Variants in KIAA1217 observed in about 807,000 individuals in gnomAD.
KIAA1217 encodes the protein KIAA1217.
KIAA1217 carries 88 observed loss-of-function variants against 163.9 expected under a neutral mutation model. The observed-to-expected ratio is 0.54, with a 90% CI of 0.45 to 0.64. The LOEUF is 0.64. Ranked by LOEUF, KIAA1217 falls within the 30% of genes least tolerant of loss-of-function variation. KIAA1217 has a pLI of 0.00. For missense variants in KIAA1217, 2,372 were observed against 2,475.0 expected (o/e 0.96, Z 0.88); for synonymous variants, 903 against 923.1 (o/e 0.98, Z 0.39).
chr10:24,351,067 C>A (rs768509197), intron 2 of KIAA1217, among the ~76,000 whole-genome samples: 6 of 152,080 alleles, frequency 3.9e-5, no homozygotes, highest in Non-Finnish European at 8.8e-5. Context: ...CATGCCTCAG[C>A]CTCCCAAGTA....
chr10:24,489,936 C>G (rs927329430), intron 6 of KIAA1217, among the ~76,000 whole-genome samples: 1 of 142,700 alleles, frequency 7.0e-6, no homozygotes, highest in Admixed American at 7.0e-5. Flanking sequence ...AACACAGATT[C>G]TTTTTTTTCC....
chr10:24,088,240 C>T (rs2061774070), intron 2 of KIAA1217, among the ~76,000 whole-genome samples: 1 of 97,484 alleles, frequency 1.0e-5, no homozygotes, highest in Non-Finnish European at 2.3e-5. Context: ...CTCCCAGGCT[C>T]TGTTTTTTTA....
At chr10:24,216,859 T>C (rs928715964) in intron 1 of KIAA1217, among the ~76,000 whole-genome samples, 4 of 122,510 alleles carry the variant, frequency 3.3e-5, no homozygotes, top group African/African-American at 1.2e-4. Flanking sequence ...AAAAATAAAA[T>C]AAAATACATA....
intron 8 of KIAA1217, among the ~76,000 whole-genome samples, chr10:24,497,045 A>G (rs2066878799): frequency 6.6e-6 from 1 of 152,228 alleles, no homozygotes; most frequent in African/African-American, 2.4e-5. Flanking sequence ...ACTCTAACGT[A>G]TCAGGGCGAG....
intron 3 of KIAA1217, among the ~76,000 whole-genome samples, chr10:24,430,960 C>T (rs910296594): frequency 4.6e-5 from 7 of 152,194 alleles, no homozygotes; most frequent in Admixed American, 3.3e-4. Context: ...TTCAGTCAGG[C>T]ATCATGCATT....
intron 1 of KIAA1217, among the ~76,000 whole-genome samples, chr10:23,988,199 T>G (rs1175845228): frequency 6.6e-6 from 1 of 152,220 alleles, no homozygotes; most frequent in African/African-American, 2.4e-5. Context: ...CCAGATTAGT[T>G]TCTGCCAATG....
intron 1 of KIAA1217, among the ~76,000 whole-genome samples, chr10:23,867,694 GGTT>G (rs1371114058): frequency 6.6e-6 from 1 of 151,988 alleles, no homozygotes; most frequent in East Asian, 1.9e-4. Context: ...TTTTTGATGG[GGTT>G]GTTTGTTTTT....
At chr10:24,338,847 T>G (rs961265788) in intron 2 of KIAA1217, among the ~76,000 whole-genome samples, 3 of 152,208 alleles carry the variant, frequency 2.0e-5, no homozygotes, top group Non-Finnish European at 4.4e-5. Flanking sequence ...TAATTTCATC[T>G]TAACAGAATC....
chr10:24,293,982 A>T (rs1053414278), intron 2 of KIAA1217, among the ~76,000 whole-genome samples: 2 of 152,204 alleles, frequency 1.3e-5, no homozygotes, highest in South Asian at 4.1e-4. Context: ...TCACGAGGTC[A>T]GGAGATGGAG....
intron 1 of KIAA1217, among the ~76,000 whole-genome samples, chr10:23,929,793 T>C (rs1938050): frequency 0.44 from 67,517 of 152,102 alleles, 19,026 homozygotes; most frequent in African/African-American, 0.81. Flanking sequence ...TTTGGTGGAA[T>C]AATTTATTTT....
In KIAA1217 at chr10:24,536,829, C is replaced by A; in HGVS notation, c.3470C>A (p.Ser1157Tyr). ...DVNSNSHAEPSRADSHVKDTR... is the reference protein window; with the variant it reads ...DVNSNSHAEPYRADSHVKDTR... ...AATTCAAACAGTCATGCTGAGCCAT[C>A]CCGGGCTGACAGTCACGTTAAAGAC... Residue 1157 changes from serine to tyrosine, a missense_variant, in exon 17 of 21, where the codon TCC becomes TAC. Ser to Tyr is a moderately radical substitution (Grantham distance 144, BLOSUM62 -2). Transcript: ENST00000376454. 6.2e-7 allele frequency: 1 copy of A among 1,614,016 alleles called. No individual in the cohort carries two copies. Among genetic ancestry groups the A allele is most frequent in the East Asian group, 2.2e-5 (1 of 44,872 alleles).
chr10:24,521,051 T>TG (rs1348756833), intron 11 of KIAA1217, among the ~76,000 whole-genome samples: 2 of 147,298 alleles, frequency 1.4e-5, no homozygotes, highest in African/African-American at 5.0e-5. Flanking sequence ...AGTTTTTTTT[T>TG]TTTTTTTTTT....
intron 1 of KIAA1217, among the ~76,000 whole-genome samples, chr10:23,789,791 T>C (rs1007276659): frequency 6.6e-6 from 1 of 151,680 alleles, no homozygotes; most frequent in African/African-American, 2.4e-5. Context: ...CTCTAACACT[T>C]ACTAAGCTGT....
chr10:24,015,549 A>C (rs1157524345), intron 2 of KIAA1217, among the ~76,000 whole-genome samples: 1 of 152,034 alleles, frequency 6.6e-6, no homozygotes, highest in African/African-American at 2.4e-5. Flanking sequence ...TGAGGTCAAG[A>C]GTTCAAGACC....
At chr10:24,431,241 G>A (rs1229031649) in intron 3 of KIAA1217, among the ~76,000 whole-genome samples, 1 of 152,014 alleles carries the variant, frequency 6.6e-6, no homozygotes, top group East Asian at 1.9e-4. Flanking sequence ...TTTCTCTTTT[G>A]AGTCTCCCTT....
chr10:23,973,845 A>G (rs1845425277), intron 1 of KIAA1217, among the ~76,000 whole-genome samples: 2 of 152,158 alleles, frequency 1.3e-5, no homozygotes, highest in South Asian at 4.1e-4. Context: ...CTTGGAAAAA[A>G]AAAACCCTCT....
intron 2 of KIAA1217, among the ~76,000 whole-genome samples, chr10:24,053,097 T>G (rs1413553771): frequency 6.6e-6 from 1 of 152,214 alleles, no homozygotes; most frequent in East Asian, 1.9e-4. Flanking sequence ...GTTTTCTCCC[T>G]TTGTTTTGTA....
At chr10:23,949,965 G>C (rs532208408) in intron 1 of KIAA1217, among the ~76,000 whole-genome samples, 18 of 152,262 alleles carry the variant, frequency 1.2e-4, no homozygotes, top group Non-Finnish European at 2.4e-4. Context: ...CTAACTCATT[G>C]CATGCTTATA....
chr10:23,857,382 C>T (rs1197921241), intron 1 of KIAA1217, among the ~76,000 whole-genome samples: 1 of 152,032 alleles, frequency 6.6e-6, no homozygotes, highest in Non-Finnish European at 1.5e-5. Flanking sequence ...AATAGGAGAC[C>T]ATAAATAGGA....
Sources: allele counts gnomAD v4.1 joint callset (sites outside exome capture counted in the v4.1 genomes callset), GRCh38; gene constraint gnomAD v4.1.1; transcripts MANE v1.5; gene names NCBI Gene and HGNC (gene_info 2026-07-23, HGNC 2026-07-21).